FRY: variants seen among roughly 807,000 people sequenced by gnomAD.
FRY encodes protein furry homolog.
FRY carries 128 observed loss-of-function variants against 348.4 expected under a neutral mutation model. The ratio of observed to expected loss-of-function variants is 0.37; its 90% confidence interval spans 0.32 to 0.43. The LOEUF is 0.43. Among genes scored for constraint, FRY ranks in the 20% least tolerant of loss-of-function variants. The probability of loss-of-function intolerance (pLI) is 1.00; values close to 1 mark genes in which losing one functional copy is unlikely to be tolerated. For missense variants in FRY, 2,736 were observed against 3,695.2 expected (o/e 0.74, Z 6.73); for synonymous variants, 1,370 against 1,374.7 (o/e 1.00, Z 0.08).
intron 58 of FRY, among the ~76,000 whole-genome samples, chr13:32,284,412 T>C (rs2138629757): frequency 6.6e-6 from 1 of 152,378 alleles, no homozygotes; most frequent in Middle Eastern, 3.4e-3. Flanking sequence ...AGTTATAATC[T>C]ATTAAACATC....
In FRY at chr13:32,244,093, T is replaced by C; in HGVS notation, c.6739T>C (p.Tyr2247His). The change falls in exon 47 of 61, where the codon TAC becomes CAC. Residue 2247 changes from tyrosine (Y) to histidine (H), a missense_variant. Coordinates refer to ENST00000542859, the MANE Select transcript of FRY (RefSeq NM_023037.3). ...SVQQPLLQVIYSLLSYMDLSV... is the reference protein window; with the variant it reads ...SVQQPLLQVIHSLLSYMDLSV... ...GCAGCAGCCCCTGCTCCAGGTGATCTACAGTCTTCTCAGCTACATGGACCT... is the reference window on the plus strand; with the variant it reads ...GCAGCAGCCCCTGCTCCAGGTGATCCACAGTCTTCTCAGCTACATGGACCT... The C allele has an allele frequency of 6.2e-7, 1 of 1,613,930 alleles. No individual in the cohort carries two copies. Among genetic ancestry groups the C allele is most frequent in the Non-Finnish European group, 8.5e-7 (1 of 1,179,796 alleles).
chr13:32,232,642 G>A lies in FRY; in HGVS notation c.5527+1342G>A, dbSNP rs74044943. ...CATCCAGCCAGCAGGTGGAAGAAGA[G>A]AGAGTGAGAAGAGGATTCCTCAGGA... On this transcript the variant is annotated intron_variant, in intron 41 of 60. Transcript: ENST00000542859. Among the ~76,000 whole-genome samples, 414 of 152,298 alleles carry A rather than the reference G, an allele frequency of 2.7e-3. 2 individuals carry two copies. The highest frequency in any genetic ancestry group is 9.4e-3 in the African/African-American group (391 of 41,568).
intron 41 of FRY, 69 bp from the exon 42 acceptor site, chr13:32,234,505 G>C: frequency 7.5e-7 from 1 of 1,339,874 alleles, no homozygotes; most frequent in Non-Finnish European, 1.1e-6. Context: ...TTTAAACTTA[G>C]AGGTAACTTT....
rs1363497637 is a variant in FRY at position 32,207,560 on chromosome 13, C to A, written c.4019-1293C>A. Among the ~76,000 whole-genome samples, 5 of 152,270 alleles carry A rather than the reference C, an allele frequency of 3.3e-5. No homozygotes were observed. In the East Asian group the frequency reaches 9.6e-4, roughly 29 times the overall value. On this transcript the variant is annotated intron_variant, in intron 31 of 60. Transcript: ENST00000542859. ...CCGTACCTTGGGACAAATGAATGTT[C>A]TGACTTTATAAGGATTTGAGTATGT...
rs550281329 is a variant in FRY, at chr13:32,166,036, C to T, written c.1892+4785C>T. On this transcript the variant is annotated intron_variant, in intron 17 of 60. Transcript: ENST00000542859. ...CCTGTGCAGAATACAGCTATGCATT[C>T]GCTTTCTGACGTGAGCAGTGAGAAT... 5.9e-5 allele frequency among the ~76,000 whole-genome samples: 9 copies of T among 152,292 alleles called. 1 individual carries two copies. In the South Asian group the frequency reaches 1.7e-3, roughly 28 times the overall value.
chr13:32,183,941 A>G (rs983222710), intron 24 of FRY, among the ~76,000 whole-genome samples: 6 of 152,250 alleles, frequency 3.9e-5, no homozygotes, highest in African/African-American at 1.4e-4. Flanking sequence ...GTTTGAGACC[A>G]GGCTGGGCAC....
intron 1 of FRY, among the ~76,000 whole-genome samples, chr13:32,044,682 T>C (rs532241402): frequency 4.5e-4 from 68 of 152,326 alleles, no homozygotes; most frequent in Non-Finnish European, 6.0e-4. Context: ...GCTTGCTTGC[T>C]TGGCCTTCAG....
In FRY at chr13:32,135,196, G is replaced by A. The variant is rs756248464; in HGVS notation, c.1077+13G>A. ...GAAGCATTCCTTGGTTAGTAACTATGAGAAAATCGAAAACACAAACAAAAC... is the reference window on the plus strand; with the variant it reads ...GAAGCATTCCTTGGTTAGTAACTATAAGAAAATCGAAAACACAAACAAAAC... On this transcript the variant is annotated intron_variant, in intron 10 of 60. Coordinates refer to ENST00000542859, the MANE Select transcript of FRY (RefSeq NM_023037.3). 92 of 1,516,142 alleles carry A rather than the reference G, an allele frequency of 6.1e-5. No homozygotes were observed. The highest frequency in any genetic ancestry group is 8.0e-5 in the Non-Finnish European group (87 of 1,091,078). 93.9% of individuals were successfully genotyped at this position (1,516,142 alleles called of 1,614,324 possible).
intron 26 of FRY, among the ~76,000 whole-genome samples, chr13:32,185,945 T>C (rs1883001237): frequency 1.3e-5 from 2 of 152,136 alleles, no homozygotes; most frequent in African/African-American, 4.8e-5. Flanking sequence ...AAACATTTAA[T>C]ATGTAAGCAG....
At chr13:32,158,689 G>A (rs61946725) in intron 16 of FRY, among the ~76,000 whole-genome samples, 5,710 of 151,980 alleles carry the variant, frequency 0.038, 124 homozygotes, top group South Asian at 0.055. Flanking sequence ...AGGCCAAGGC[G>A]GTCAGACCAC....
chr13:32,270,418 G>T (rs1054441520), intron 55 of FRY, among the ~76,000 whole-genome samples: 2 of 152,184 alleles, frequency 1.3e-5, no homozygotes, highest in Admixed American at 1.3e-4. Flanking sequence ...TGTTGGTCAG[G>T]CTGGTCTCAA....
Position 32,186,346 on chromosome 13 carries a change from A to G in FRY, c.3406A>G (p.Ile1136Val). The stretch of plus-strand genomic sequence containing the variant: ...CAGCCAGTGGGCAGGACCCTTCAGC[A>G]TTATGTTCACTCCTCTGGATCGTTA... The part of the protein sequence containing the change: ...LFSQWAGPFS[I>V]MFTPLDRYSD... Residue 1136 changes from isoleucine to valine, a missense_variant, in exon 27 of 61, where the codon ATT (isoleucine) becomes GTT (valine). Transcript: ENST00000542859. The G allele has an allele frequency of 1.2e-6, 2 of 1,609,932 alleles. No individual in the cohort carries two copies. The highest frequency in any genetic ancestry group is 1.7e-6 in the Non-Finnish European group (2 of 1,176,156).
chr13:32,105,097 C>T (rs1202246379), intron 3 of FRY, among the ~76,000 whole-genome samples: 2 of 152,216 alleles, frequency 1.3e-5, no homozygotes, highest in East Asian at 3.8e-4. Context: ...AGCATAATAG[C>T]TTTTGAAGGT....
chr13:32,034,361 C>T (rs187788240), intron 1 of FRY, among the ~76,000 whole-genome samples: 3 of 152,148 alleles, frequency 2.0e-5, no homozygotes, highest in Admixed American at 6.5e-5. Context: ...ATAGATCAGT[C>T]GCTGGCTAGT....
intron 1 of FRY, among the ~76,000 whole-genome samples, chr13:32,043,771 A>G (rs1052463137): frequency 6.6e-6 from 1 of 152,242 alleles, no homozygotes; most frequent in African/African-American, 2.4e-5. Context: ...CTTCAGTTTC[A>G]AAAAAGGAAC....
At chr13:32,268,508 AT>A (rs60368288) in intron 55 of FRY, among the ~76,000 whole-genome samples, 355 of 20,568 alleles carry the variant, frequency 0.017, 1 homozygote, top group Non-Finnish European at 0.024. Context: ...AAAAAAAAAT[AT>A]ATATATATAT....
At chr13:32,214,492 T>G (rs1884871102) in intron 35 of FRY, among the ~76,000 whole-genome samples, 1 of 152,238 alleles carries the variant, frequency 6.6e-6, no homozygotes, top group Non-Finnish European at 1.5e-5. Flanking sequence ...TGTGTTAGTG[T>G]AGACAGTTCT....
intron 1 of FRY, among the ~76,000 whole-genome samples, chr13:32,048,657 G>T (rs1873155099): frequency 6.6e-6 from 1 of 152,056 alleles, no homozygotes; most frequent in African/African-American, 2.4e-5. Context: ...TTGCCAAATT[G>T]GAAGGAAACC....
At chr13:32,221,690 T>C (rs1377629312) in intron 36 of FRY, among the ~76,000 whole-genome samples, 1 of 152,150 alleles carries the variant, frequency 6.6e-6, no homozygotes, top group Non-Finnish European at 1.5e-5. Context: ...TTTTTGTATT[T>C]TTAGTAGAGA....
Sources: allele counts gnomAD v4.1 joint callset (sites outside exome capture counted in the v4.1 genomes callset), GRCh38; gene constraint gnomAD v4.1.1; transcripts MANE v1.5; gene names NCBI Gene and HGNC (gene_info 2026-07-23, HGNC 2026-07-21).